Variants in DBH observed in about 807,000 individuals in gnomAD.
DBH encodes dopamine beta-hydroxylase, also known as dopamine beta-hydroxylase (dopamine beta-monooxygenase).
Under a neutral mutation model 64.0 loss-of-function variants are expected in DBH, and 49 were observed. The ratio of observed to expected loss-of-function variants is 0.77; its 90% CI spans 0.61 to 0.97. The LOEUF (loss-of-function observed/expected upper bound fraction) is 0.97. Ranked by LOEUF, DBH falls within the 50% of genes least tolerant of loss-of-function variation. The pLI is 0.00. For missense variants in DBH, 828 were observed against 826.6 expected (o/e 1.00, Z -0.02); for synonymous variants, 343 against 347.1 (o/e 0.99, Z 0.13).
Position 133,644,279 on chromosome 9 carries a change from T to G in DBH, c.983T>G (p.Leu328Arg), listed in dbSNP as rs764045527. The part of the protein sequence containing the change: ...AFGGPGSSRY[L>R]RLEVHYHNPL... ...GGGGGTCCAGGGTCCTCCAGATATCTCCGCCTGGAAGTTCACTACCACAAC... is the reference window on the plus strand; with the variant it reads ...GGGGGTCCAGGGTCCTCCAGATATCGCCGCCTGGAAGTTCACTACCACAAC... The change falls in exon 5 of 12, where the codon CTC becomes CGC. Residue 328 changes from leucine to arginine, a missense_variant. By Grantham distance (102) the Leu-to-Arg change is moderately radical. Coordinates refer to ENST00000393056, the MANE Select transcript of DBH (RefSeq NM_000787.4). 97 of 1,614,026 alleles carry G rather than the reference T, an allele frequency of 6.0e-5. No homozygotes were observed. The highest frequency in any genetic ancestry group is 8.1e-5 in the Non-Finnish European group (95 of 1,180,030).
In DBH at chr9:133,652,324, C is replaced by T. The variant is rs769879568; in HGVS notation, c.1374+40C>T. 9.9e-6 allele frequency: 16 copies of T among 1,609,616 alleles called. No individual in the cohort carries two copies. The South Asian group carries it at 1.5e-4, about 15-fold the overall frequency. Reference sequence around the variant, plus strand: ...GGAAGGCTGTCCCACTCACTGCCACCAGCTGGGGTGGCTGAGAGGGCTGGG... The same window carrying T: ...GGAAGGCTGTCCCACTCACTGCCACTAGCTGGGGTGGCTGAGAGGGCTGGG... On this transcript the variant is annotated intron_variant, in intron 8 of 11. Coordinates refer to ENST00000393056, the MANE Select transcript of DBH (RefSeq NM_000787.4).
intron 5 of DBH, among the ~76,000 whole-genome samples, chr9:133,644,552 G>A (rs1453975740): frequency 1.3e-5 from 2 of 152,238 alleles, no homozygotes; most frequent in East Asian, 3.8e-4. Flanking sequence ...GGGCCCAGCA[G>A]TGGCCCCACA....
rs1247350047 is a variant in DBH, at chr9:133,643,717, C to G, written c.921+128C>G. The G allele has an allele frequency of 3.9e-6, 4 of 1,027,482 alleles. No individual in the cohort carries two copies. Among genetic ancestry groups the G allele is most frequent in the East Asian group, 2.6e-5 (1 of 38,326 alleles). The allele number at this position is 1,027,482 out of a possible 1,614,324, so 63.6% of individuals were successfully genotyped here. ...GCTCCCAAGGGGGCTCACGAGGCCA[C>G]CAGAAGGGCCAGGCCTGAGGTGGCC... On this transcript the variant is annotated intron_variant, in intron 4 of 11. Transcript: ENST00000393056. This position sits in a 1 kb window ranked among gnomAD's most constrained non-coding sequence, Gnocchi z 5.3.
At position 133,644,274 on chromosome 9, in the gene DBH, A is replaced by G; in HGVS notation, c.978A>G (p.Arg326=). The stretch of plus-strand genomic sequence containing the variant: ...CCTTCGGGGGTCCAGGGTCCTCCAG[A>G]TATCTCCGCCTGGAAGTTCACTACC... The part of the protein sequence containing the change: ...GLAFGGPGSS[R]YLRLEVHYHN... Residue 326 remains arginine (R), a synonymous_variant, in exon 5 of 12, where the codon AGA becomes AGG. Coordinates refer to ENST00000393056, the MANE Select transcript of DBH (RefSeq NM_000787.4). 1 of 1,614,166 alleles carries G rather than the reference A, an allele frequency of 6.2e-7. No homozygotes were observed. Among genetic ancestry groups the G allele is most frequent in the Non-Finnish European group, 8.5e-7 (1 of 1,180,022 alleles).
At position 133,636,724 on chromosome 9, in the gene DBH, C is replaced by G. The variant is rs1228887048; in HGVS notation, c.339+14C>G. On this transcript the variant is annotated intron_variant, in intron 1 of 11. Coordinates refer to ENST00000393056, the MANE Select transcript of DBH (RefSeq NM_000787.4). ...GCCTATTTTGCGGTGAGTCTCTCCT[C>G]CCTGCCAGCTCTCCAAACCCTTCCT... 1.3e-6 allele frequency: 2 copies of G among 1,597,832 alleles called. No homozygotes were observed. Among genetic ancestry groups the G allele is most frequent in the Non-Finnish European group, 1.7e-6 (2 of 1,178,266 alleles).
rs538630117 is a variant in DBH, at chr9:133,642,335, G to A, written c.615G>A (p.Pro205=). The A allele has an allele frequency of 3.8e-5, 61 of 1,614,158 alleles. 1 individual carries two copies. In the South Asian group the frequency reaches 6.4e-4, roughly 17 times the overall value. ...VQLLKPNIPE[P]ELPSDACTME... is the part of the protein sequence containing the mutation. ...TCCTGAAGCCCAATATCCCCGAACC[G>A]GAGTTGCCCTCAGACGCGTGCACCA... The change falls in exon 3 of 12, where the codon CCG becomes CCA. Residue 205 remains proline (P), a synonymous_variant. Coordinates refer to ENST00000393056, the MANE Select transcript of DBH (RefSeq NM_000787.4).
intron 7 of DBH, 64 bp downstream of exon 7, chr9:133,651,841 C>A: frequency 7.4e-7 from 1 of 1,359,080 alleles, no homozygotes. Flanking sequence ...CCTCCTGGGT[C>A]TACTGTTTCC....
chr9:133,638,772 C>T (rs577868066), intron 1 of DBH, among the ~76,000 whole-genome samples: 1 of 152,198 alleles, frequency 6.6e-6, no homozygotes, highest in African/African-American at 2.4e-5. Context: ...TAATAGATGC[C>T]AAATAGACAA....
chr9:133,651,670 C>G lies in DBH; in HGVS notation c.1228C>G (p.Gln410Glu), dbSNP rs1200327453. Residue 410 changes from glutamine to glutamate, a missense_variant, in exon 7 of 12, where the codon CAG becomes GAG. Transcript: ENST00000393056. ...CTCCGGGATCCACATCTTCGCCTCT[C>G]AGCTCCACACACACCTGACTGGGAG... is the stretch of plus-strand genomic sequence containing the variant. The part of the protein sequence containing the change: ...PPSGIHIFAS[Q>E]LHTHLTGRKV... 1.9e-6 allele frequency: 3 copies of G among 1,613,780 alleles called. No homozygotes were observed. Among genetic ancestry groups the G allele is most frequent in the African/African-American group, 2.7e-5 (2 of 74,926 alleles).
chr9:133,652,476 A>G (rs988943051), intron 8 of DBH, among the ~76,000 whole-genome samples, 192 bp downstream of exon 8: 4 of 152,140 alleles, frequency 2.6e-5, no homozygotes, highest in Admixed American at 6.5e-5. Flanking sequence ...TCAGGAGTTC[A>G]TGGAGAGACG....
chr9:133,652,857 G>GGCGT, intron 8 of DBH, 83 bp from the exon 9 acceptor site: 1 of 916,420 alleles, frequency 1.1e-6, no homozygotes, highest in Non-Finnish European at 1.8e-6. Flanking sequence ...CATGCACAGT[G>GGCGT]GCGTGGTCCT....
chr9:133,651,209 C>T (rs1832244059), intron 6 of DBH, among the ~76,000 whole-genome samples: 1 of 152,284 alleles, frequency 6.6e-6, no homozygotes. Context: ...CAAGTACCAC[C>T]TTCTGCCACT....
rs11283016 is a variant in DBH, at chr9:133,643,187, T to TTGGCAGGAAA, written c.745-222_745-221insAGGAAATGGC. On this transcript the variant is annotated intron_variant, in intron 3 of 11. Coordinates refer to ENST00000393056, the MANE Select transcript of DBH (RefSeq NM_000787.4). The surrounding 1 kb of genome is among the most constrained non-coding windows in gnomAD (Gnocchi z 5.3). ...AGGACGGCTGCGTCCTGTCCCTGCC[T>TTGGCAGGAAA]TGGCCTGTACGAACCTCATTTCCTT... Among the ~76,000 whole-genome samples the TTGGCAGGAAA allele has an allele frequency of 0.48, 72,897 of 151,630 alleles. 18,088 individuals are homozygous for TTGGCAGGAAA. The highest frequency in any genetic ancestry group is 0.53 in the Non-Finnish European group (36,076 of 67,730).
chr9:133,644,755 C>T (rs74532329), intron 5 of DBH, among the ~76,000 whole-genome samples: 3,096 of 152,192 alleles, frequency 0.02, 78 homozygotes, highest in African/African-American at 0.071. Flanking sequence ...CCGGCCTGGC[C>T]AGAGTGCAGG....
intron 2 of DBH, among the ~76,000 whole-genome samples, chr9:133,640,256 G>T (rs1365287232): frequency 6.6e-6 from 1 of 152,230 alleles, no homozygotes; most frequent in Non-Finnish European, 1.5e-5. Flanking sequence ...TCTAGATGCG[G>T]GGCTTGTGCT....
At chr9:133,645,789 G>A (rs1832174734) in intron 5 of DBH, among the ~76,000 whole-genome samples, 1 of 152,174 alleles carries the variant, frequency 6.6e-6, no homozygotes, top group African/African-American at 2.4e-5. Flanking sequence ...CCTCAGCTTG[G>A]CCACTTCCCA....
chr9:133,640,252 T>C (rs1372068056), intron 2 of DBH, among the ~76,000 whole-genome samples: 3 of 152,230 alleles, frequency 2.0e-5, no homozygotes, highest in South Asian at 2.1e-4. Context: ...GGTTTCTAGA[T>C]GCGGGGCTTG....
At chr9:133,638,297 G>C (rs75287167) in intron 1 of DBH, among the ~76,000 whole-genome samples, 11 of 152,224 alleles carry the variant, frequency 7.2e-5, no homozygotes, top group Non-Finnish European at 1.0e-4. Context: ...GCAAACCAGC[G>C]GTGTCCCCAG....
At chr9:133,641,239 C>T (rs186836460) in intron 2 of DBH, among the ~76,000 whole-genome samples, 17 of 152,284 alleles carry the variant, frequency 1.1e-4, no homozygotes, top group East Asian at 9.7e-4. Flanking sequence ...AACTAAGGCC[C>T]GGAGACGGGG....
Sources: gnomAD v4.1 joint callset for allele counts (sites outside exome capture counted in the v4.1 genomes callset) on GRCh38, gnomAD v4.1.1 for gene constraint, Gnocchi (gnomAD v3.1) non-coding constraint, MANE v1.5 for transcripts, NCBI Gene and HGNC (gene_info 2026-07-23, HGNC 2026-07-21) for gene names.